The following PCDHGA2 variants were observed in gnomAD, a reference collection of about 807,000 sequenced individuals.
The protein encoded by PCDHGA2 is protocadherin gamma subfamily A, 2, also known as protocadherin gamma-A2.
A neutral mutation model predicts 59.2 loss-of-function variants in PCDHGA2; 40 were observed. The ratio of observed to expected loss-of-function variants is 0.68; its 90% confidence interval spans 0.52 to 0.88. The LOEUF is 0.88. Among genes scored for constraint, PCDHGA2 ranks in the 40% least tolerant of loss-of-function variants. The pLI is 0.00. For synonymous variants in PCDHGA2, 560 were observed against 526.0 expected, an observed-to-expected ratio of 1.06 and a Z score of -0.89; for missense variants, 1,226 against 1,204.0, an observed-to-expected ratio of 1.02 and a Z score of -0.27.
chr5:141,476,727 G>A lies in PCDHGA2; in HGVS notation c.2425-18080G>A, dbSNP rs762236731. On this transcript the variant is annotated intron_variant, in intron 1 of 3. Coordinates refer to ENST00000394576, the MANE Select transcript of PCDHGA2 (RefSeq NM_018915.4). This position sits in a 1 kb window ranked among gnomAD's most constrained non-coding sequence, Gnocchi z 7.6. ...CTGGTGTTGGAGCGCGCCCTGGACC[G>A]AGAACGGGAGCCTAGTCTCCAGTTA... 5 of 1,614,108 alleles carry A rather than the reference G, an allele frequency of 3.1e-6. No individual in the cohort carries two copies. Among genetic ancestry groups the A allele is most frequent in the Non-Finnish European group, 4.2e-6 (5 of 1,180,032 alleles).
At chr5:141,383,712 G>A (rs895145051) in intron 1 of PCDHGA2, 2 of 1,613,970 alleles carry the variant, frequency 1.2e-6, no homozygotes, top group African/African-American at 2.7e-5. Flanking sequence ...ACCTGGACGA[G>A]GGAGTCAATG....
chr5:141,414,903 C>A, intron 1 of PCDHGA2: 2 of 1,614,218 alleles, frequency 1.2e-6, no homozygotes, highest in Non-Finnish European at 1.7e-6. Flanking sequence ...CAGACGGTTC[C>A]ACAGGCGTGG....
intron 1 of PCDHGA2, chr5:141,384,729 G>A: frequency 6.2e-7 from 1 of 1,614,122 alleles, no homozygotes; most frequent in Non-Finnish European, 8.5e-7. Context: ...TCCTGCTTAA[G>A]GCCAGCGAGC....
chr5:141,461,647 C>T (rs1242234255), intron 1 of PCDHGA2, among the ~76,000 whole-genome samples: 3 of 152,006 alleles, frequency 2.0e-5, no homozygotes, highest in Non-Finnish European at 4.4e-5. Context: ...TTCTTTGACC[C>T]ATGGATTATT....
intron 1 of PCDHGA2, 62 bp from the exon 2 acceptor site, chr5:141,494,745 G>T: frequency 1.2e-6 from 2 of 1,612,802 alleles, no homozygotes; most frequent in African/African-American, 1.3e-5. Context: ...ATCCCTAGGG[G>T]CTCGGGTGAC....
chr5:141,393,730 G>C lies in PCDHGA2; in HGVS notation c.2424+52335G>C, dbSNP rs546435108. On this transcript the variant is annotated intron_variant, in intron 1 of 3. Transcript: ENST00000394576. The stretch of plus-strand genomic sequence containing the variant: ...ACTGGGGAAATATCAATAGCAAAAA[G>C]TCTAGATTATGAAGAATGTTCATTT... 3 of 1,613,844 alleles carry C rather than the reference G, an allele frequency of 1.9e-6. No individual in the cohort carries two copies. In the South Asian group the frequency reaches 3.3e-5, roughly 18 times the overall value.
At chr5:141,379,106 T>C (rs1181116789) in intron 1 of PCDHGA2, 3 of 152,192 alleles carry the variant, frequency 2.0e-5, no homozygotes, top group Non-Finnish European at 4.4e-5. Context: ...AAAAAAGCAA[T>C]TGAGAAGATA....
At chr5:141,392,127 A>G (rs2092470129) in intron 1 of PCDHGA2, 1 of 152,236 alleles carries the variant, frequency 6.6e-6, no homozygotes, top group Admixed American at 6.5e-5. Flanking sequence ...AGCTTGTAAA[A>G]TGATTAAGTA....
chr5:141,344,530 C>G (rs1241376856), intron 1 of PCDHGA2: 2 of 1,613,890 alleles, frequency 1.2e-6, no homozygotes, highest in East Asian at 2.2e-5. Flanking sequence ...GGCATTAACT[C>G]CCTGCAGAAC....
At chr5:141,390,352 A>C (rs1340044054) in intron 1 of PCDHGA2, 1 of 1,557,524 alleles carries the variant, frequency 6.4e-7, no homozygotes, top group African/African-American at 1.4e-5. Context: ...GAAAATATAC[A>C]TATTTGCAGG....
chr5:141,383,832 A>G, intron 1 of PCDHGA2: 1 of 1,613,926 alleles, frequency 6.2e-7, no homozygotes, highest in Non-Finnish European at 8.5e-7. Flanking sequence ...ATTATGAAGA[A>G]ACTGCCTTCT....
In PCDHGA2 at chr5:141,341,206, G is replaced by C. The variant is rs533250208; in HGVS notation, c.2235G>C (p.Gly745=). 1 of 1,614,216 alleles carries C rather than the reference G, an allele frequency of 6.2e-7. No individual in the cohort carries two copies. The highest frequency in any genetic ancestry group is 8.5e-7 in the Non-Finnish European group (1 of 1,180,046). The change falls in exon 1 of 4, where the codon GGG becomes GGC. Residue 745 remains glycine (G), a synonymous_variant. Coordinates refer to ENST00000394576, the MANE Select transcript of PCDHGA2 (RefSeq NM_018915.4). ...GCTCGCACTTTGTGGGCGTGGACGG[G>C]GTTCGGGCTTTCCTGCAGACCTATT... ...MQSSHFVGVD[G]VRAFLQTYSH...
At chr5:141,402,120 T>C (rs17097267) in intron 1 of PCDHGA2, among the ~76,000 whole-genome samples, 16,890 of 152,168 alleles carry the variant, frequency 0.11, 1,101 homozygotes, top group African/African-American at 0.17. Context: ...TGTGAAAATT[T>C]CCAACTTTAA....
intron 1 of PCDHGA2, chr5:141,366,531 G>T (rs756742340): frequency 6.2e-7 from 1 of 1,614,152 alleles, no homozygotes; most frequent in Non-Finnish European, 8.5e-7. Context: ...AGGTTGGCGG[G>T]TGTGCCCGCC....
rs574950493 is a variant in PCDHGA2 at position 141,375,596 on chromosome 5, G to A, written c.2424+34201G>A. 12 of 1,613,990 alleles carry A rather than the reference G, an allele frequency of 7.4e-6. No individual in the cohort carries two copies. The Admixed American group carries it at 1.2e-4, about 16-fold the overall frequency. On this transcript the variant is annotated intron_variant, in intron 1 of 3. Coordinates refer to ENST00000394576, the MANE Select transcript of PCDHGA2 (RefSeq NM_018915.4). ...CCAGGGGGCGCCCCTGTCCTCCTAC[G>A]TGTCCATCAACTCCGACACTGGGAT...
chr5:141,434,920 A>C (rs927245955), intron 1 of PCDHGA2, among the ~76,000 whole-genome samples: 1 of 151,796 alleles, frequency 6.6e-6, no homozygotes. Flanking sequence ...ATTTATGTAC[A>C]TATATTTTAT....
At chr5:141,372,097 G>T in intron 1 of PCDHGA2, 1 of 1,613,808 alleles carries the variant, frequency 6.2e-7, no homozygotes, top group South Asian at 1.1e-5. Context: ...CCAGCTCTGG[G>T]GCCCGAAGGC....
At chr5:141,438,248 C>A (rs1370527448) in intron 1 of PCDHGA2, among the ~76,000 whole-genome samples, 1 of 151,970 alleles carries the variant, frequency 6.6e-6, no homozygotes, top group Non-Finnish European at 1.5e-5. Flanking sequence ...AAAAAACTGT[C>A]ATTGAAGAGA....
In PCDHGA2 at chr5:141,345,066, C is replaced by T. The variant is rs1167339735; in HGVS notation, c.2424+3671C>T. The T allele has an allele frequency of 3.1e-6, 5 of 1,613,896 alleles. No individual in the cohort carries two copies. In the Admixed American group the frequency reaches 6.7e-5, roughly 22 times the overall value. ...GGTTCTGGATGTGAATGACAATGCT[C>T]CAGAAATTACAATCACGTCTCTCAC... is the stretch of plus-strand genomic sequence containing the variant. On this transcript the variant is annotated intron_variant, in intron 1 of 3. Coordinates refer to ENST00000394576, the MANE Select transcript of PCDHGA2 (RefSeq NM_018915.4).
Sources: gnomAD v4.1 joint callset for allele counts (sites outside exome capture counted in the v4.1 genomes callset) on GRCh38, gnomAD v4.1.1 for gene constraint, Gnocchi (gnomAD v3.1) non-coding constraint, MANE v1.5 for transcripts, NCBI Gene and HGNC (gene_info 2026-07-23, HGNC 2026-07-21) for gene names.